Variants in GALNTL6 observed in about 807,000 individuals in gnomAD.
GALNTL6 encodes polypeptide N-acetylgalactosaminyltransferase like 6.
Under a neutral mutation model 73.7 loss-of-function variants are expected in GALNTL6, and 46 were observed. That is an observed-to-expected ratio of 0.62 (90% CI 0.49 to 0.80). The LOEUF (loss-of-function observed/expected upper bound fraction) is 0.80. Among genes scored for constraint, GALNTL6 ranks in the 30% least tolerant of loss-of-function variants. The pLI, the probability that GALNTL6 is intolerant of heterozygous loss-of-function variation, is 0.00. For synonymous variants in GALNTL6, 259 were observed against 263.7 expected, an observed-to-expected ratio of 0.98 and a Z score of 0.17; for missense variants, 604 against 755.0, an observed-to-expected ratio of 0.80 and a Z score of 2.34.
At position 172,129,751 on chromosome 4, in the gene GALNTL6, C is replaced by T. The variant is rs571916132; in HGVS notation, c.139-99905C>T. Among the ~76,000 whole-genome samples the T allele has an allele frequency of 2.6e-5, 4 of 152,234 alleles. No homozygotes were observed. The South Asian group carries it at 8.3e-4, about 32-fold the overall frequency. On this transcript the variant is annotated intron_variant, in intron 2 of 12. Transcript: ENST00000506823. The stretch of plus-strand genomic sequence containing the variant: ...TGTAGGATCCAAAATACTCAAACCA[C>T]AAGAACATTTGTCTTTAGTCTCAAA...
Position 172,576,847 on chromosome 4 carries a change from A to G in GALNTL6, c.553+228158A>G, listed in dbSNP as rs189646873. ...ACAACAACCATAATAAAATGTTTCTATGTAGAGACTGACAGTGGTTGGTTG... is the reference window on the plus strand; with the variant it reads ...ACAACAACCATAATAAAATGTTTCTGTGTAGAGACTGACAGTGGTTGGTTG... On this transcript the variant is annotated intron_variant, in intron 5 of 12. Coordinates refer to ENST00000506823, the MANE Select transcript of GALNTL6 (RefSeq NM_001034845.3). 2.0e-5 allele frequency among the ~76,000 whole-genome samples: 3 copies of G among 152,300 alleles called. No homozygotes were observed. In the East Asian group the frequency reaches 5.8e-4, roughly 29 times the overall value.
intron 2 of GALNTL6, among the ~76,000 whole-genome samples, chr4:171,941,159 G>A (rs980471553): frequency 6.6e-5 from 10 of 152,086 alleles, no homozygotes; most frequent in Admixed American, 6.6e-4. Flanking sequence ...GGAAAGAACT[G>A]TCATGGATGG....
At chr4:172,678,810 G>T (rs1732454928) in intron 5 of GALNTL6, among the ~76,000 whole-genome samples, 1 of 152,148 alleles carries the variant, frequency 6.6e-6, no homozygotes, top group South Asian at 2.1e-4. Context: ...TCTAGCTCTA[G>T]CGATGTTGAA....
chr4:172,463,507 T>A (rs987497247), intron 5 of GALNTL6, among the ~76,000 whole-genome samples: 1 of 152,214 alleles, frequency 6.6e-6, no homozygotes, highest in Non-Finnish European at 1.5e-5. Context: ...AAATGCGTGT[T>A]TCTATTTCAT....
intron 2 of GALNTL6, among the ~76,000 whole-genome samples, chr4:172,058,869 G>A (rs1393097465): frequency 6.6e-6 from 1 of 152,116 alleles, no homozygotes; most frequent in Admixed American, 6.5e-5. Flanking sequence ...TTAGAAGACG[G>A]TGACTTGAGC....
chr4:172,608,034 T>C (rs780886942), intron 5 of GALNTL6, among the ~76,000 whole-genome samples: 15 of 152,192 alleles, frequency 9.9e-5, no homozygotes, highest in African/African-American at 3.4e-4. Context: ...ATCCTAGATA[T>C]TAGATCTTTG....
chr4:172,637,673 A>G (rs1375654985), intron 5 of GALNTL6, among the ~76,000 whole-genome samples: 2 of 152,190 alleles, frequency 1.3e-5, no homozygotes, highest in Non-Finnish European at 2.9e-5. Flanking sequence ...AACATAATTG[A>G]ATATTCCCAT....
intron 2 of GALNTL6, among the ~76,000 whole-genome samples, chr4:172,176,514 C>A (rs2110837021): frequency 6.6e-6 from 1 of 151,786 alleles, no homozygotes; most frequent in Non-Finnish European, 1.5e-5. Flanking sequence ...CAGTAAGGAA[C>A]CATGATGCTT....
At chr4:171,917,304 G>T (rs144916084) in intron 2 of GALNTL6, among the ~76,000 whole-genome samples, 53 of 152,120 alleles carry the variant, frequency 3.5e-4, no homozygotes, top group African/African-American at 1.1e-3. Flanking sequence ...ATTAAGGAAG[G>T]TGAGCTTGGC....
chr4:172,992,872 T>C (rs1751601780), intron 10 of GALNTL6, among the ~76,000 whole-genome samples: 1 of 152,196 alleles, frequency 6.6e-6, no homozygotes, highest in Non-Finnish European at 1.5e-5. Context: ...GGAGTTTATT[T>C]TGGGGAGAAG....
At chr4:172,064,936 T>A (rs1316344114) in intron 2 of GALNTL6, among the ~76,000 whole-genome samples, 1 of 152,208 alleles carries the variant, frequency 6.6e-6, no homozygotes, top group African/African-American at 2.4e-5. Flanking sequence ...TAGTAAGTTT[T>A]ACAAATTTTT....
At chr4:172,968,418 A>T (rs1028601747) in intron 10 of GALNTL6, among the ~76,000 whole-genome samples, 1 of 152,240 alleles carries the variant, frequency 6.6e-6, no homozygotes, top group African/African-American at 2.4e-5. Context: ...CCAGTAATGT[A>T]AACCATGCTA....
chr4:172,380,453 G>A (rs1743239010), intron 5 of GALNTL6: 1 of 517,800 alleles, frequency 1.9e-6, no homozygotes, highest in East Asian at 4.4e-5. Flanking sequence ...CAAAAGCTGG[G>A]TTTCCTTGAC....
chr4:172,281,730 A>C (rs55668288), intron 3 of GALNTL6, among the ~76,000 whole-genome samples: 6 of 152,158 alleles, frequency 3.9e-5, no homozygotes, highest in South Asian at 2.1e-4. Flanking sequence ...ACAAACAAAC[A>C]AACCTGTGAT....
At chr4:172,953,289 T>C (rs1749550001) in intron 10 of GALNTL6, among the ~76,000 whole-genome samples, 1 of 152,214 alleles carries the variant, frequency 6.6e-6, no homozygotes, top group African/African-American at 2.4e-5. Flanking sequence ...GAATAGAGTG[T>C]GCTAAAGCAG....
chr4:172,043,377 G>T (rs1742139662), intron 2 of GALNTL6, among the ~76,000 whole-genome samples: 1 of 151,968 alleles, frequency 6.6e-6, no homozygotes. Flanking sequence ...AGCAATTAAA[G>T]GTAGGGAAAA....
chr4:172,841,955 C>G (rs911296735), intron 7 of GALNTL6, among the ~76,000 whole-genome samples: 2 of 152,156 alleles, frequency 1.3e-5, no homozygotes, highest in Admixed American at 1.3e-4. Context: ...TCACTGAGCC[C>G]GTATCACATG....
At chr4:172,744,472 G>A (rs1195104686) in intron 5 of GALNTL6, among the ~76,000 whole-genome samples, 1 of 152,116 alleles carries the variant, frequency 6.6e-6, no homozygotes, top group Admixed American at 6.6e-5. Flanking sequence ...GTGTACTGAT[G>A]TAGGTCTAGA....
chr4:172,316,203 G>C (rs1277526637), intron 4 of GALNTL6, among the ~76,000 whole-genome samples: 2 of 152,104 alleles, frequency 1.3e-5, no homozygotes, highest in African/African-American at 4.8e-5. Flanking sequence ...TAAAGAGCTA[G>C]AAGAACCATT....
Sources: gnomAD v4.1 joint callset for allele counts (sites outside exome capture counted in the v4.1 genomes callset) on GRCh38, gnomAD v4.1.1 for gene constraint, MANE v1.5 for transcripts, NCBI Gene and HGNC (gene_info 2026-07-23, HGNC 2026-07-21) for gene names.